The following ANKS1B variants were observed in gnomAD, a reference collection of about 807,000 sequenced individuals.
The protein encoded by ANKS1B is ankyrin repeat and sterile alpha motif domain-containing protein 1B.
Under a neutral mutation model 148.3 loss-of-function variants are expected in ANKS1B, and 36 were observed. That is an observed-to-expected ratio of 0.24 (90% confidence interval 0.19 to 0.32). The LOEUF (loss-of-function observed/expected upper bound fraction) is 0.32. ANKS1B is among the 10% of genes least tolerant of loss of function. ANKS1B has a pLI of 1.00. For missense variants in ANKS1B, 1,157 were observed against 1,542.6 expected (o/e 0.75, Z 4.19); for synonymous variants, 542 against 560.8 (o/e 0.97, Z 0.47).
chr12:99,472,790 G>A (rs762937444), intron 10 of ANKS1B, among the ~76,000 whole-genome samples: 2 of 152,010 alleles, frequency 1.3e-5, no homozygotes, highest in Non-Finnish European at 2.9e-5. Flanking sequence ...AAGCCTATGA[G>A]TTAAACTGCG....
Position 99,251,024 on chromosome 12 carries a change from TC to T in ANKS1B, c.1757-4161del, listed in dbSNP as rs140548606. Reference sequence around the variant, plus strand: ...CATAGAGGGCACCATCTTGCCTGGGTCCTCACATGGTGGAGGGAGCAAAGGA... The same window carrying T: ...CATAGAGGGCACCATCTTGCCTGGGTCTCACATGGTGGAGGGAGCAAAGGA... On this transcript the variant is annotated intron_variant, in intron 12 of 26. Transcript: ENST00000683438. Among the ~76,000 whole-genome samples the T allele has an allele frequency of 3.5e-3, 532 of 152,272 alleles. 20 individuals are homozygous for T. The East Asian group carries it at 0.066, about 19-fold the overall frequency.
chr12:99,198,828 A>C (rs1405560539), intron 14 of ANKS1B, among the ~76,000 whole-genome samples: 1 of 152,192 alleles, frequency 6.6e-6, no homozygotes, highest in East Asian at 1.9e-4. Context: ...GTCCCTCCCA[A>C]TACTGAATAG....
intron 9 of ANKS1B, among the ~76,000 whole-genome samples, chr12:99,508,380 G>A (rs2096732830): frequency 6.6e-6 from 1 of 151,860 alleles, no homozygotes; most frequent in Middle Eastern, 3.2e-3. Flanking sequence ...ATGAAATCAA[G>A]AGATGATAAT....
chr12:99,567,743 C>T (rs1407955486), intron 9 of ANKS1B, among the ~76,000 whole-genome samples: 1 of 152,098 alleles, frequency 6.6e-6, no homozygotes, highest in African/African-American at 2.4e-5. Context: ...ATCATCCTGT[C>T]ACAGAACAGA....
chr12:98,742,432 T>C (rs1215353981), downstream of ANKS1B, among the ~76,000 whole-genome samples: 1 of 152,210 alleles, frequency 6.6e-6, no homozygotes, highest in African/African-American at 2.4e-5. Flanking sequence ...TTTGTAGCTA[T>C]GCTTTTTGAT....
chr12:99,982,020 C>T (rs1346604837), intron 1 of ANKS1B, among the ~76,000 whole-genome samples: 1 of 151,890 alleles, frequency 6.6e-6, no homozygotes, highest in Non-Finnish European at 1.5e-5. Flanking sequence ...AAATGATTGC[C>T]CAAAGAATAC....
intron 12 of ANKS1B, among the ~76,000 whole-genome samples, chr12:99,396,235 T>C (rs1201208837): frequency 1.3e-5 from 2 of 152,074 alleles, no homozygotes; most frequent in Non-Finnish European, 2.9e-5. Flanking sequence ...AAGTTAAAGG[T>C]TTTGATGGAA....
chr12:99,006,007 C>T (rs1184044926), intron 17 of ANKS1B, among the ~76,000 whole-genome samples: 1 of 152,158 alleles, frequency 6.6e-6, no homozygotes, highest in African/African-American at 2.4e-5. Context: ...CTCTTCTAAC[C>T]CCTTCAAGCA....
At chr12:99,678,723 T>G (rs2098596654) in intron 8 of ANKS1B, among the ~76,000 whole-genome samples, 1 of 152,216 alleles carries the variant, frequency 6.6e-6, no homozygotes, top group East Asian at 1.9e-4. Flanking sequence ...TAATTATTTA[T>G]TGTTGTTTAA....
intron 9 of ANKS1B, among the ~76,000 whole-genome samples, chr12:99,587,429 A>T (rs787419): frequency 0.52 from 79,010 of 152,010 alleles, 21,369 homozygotes; most frequent in African/African-American, 0.66. Context: ...GTGATTGCCA[A>T]GGAATGATTT....
chr12:99,901,909 G>A (rs2093613433), intron 1 of ANKS1B, among the ~76,000 whole-genome samples: 1 of 152,130 alleles, frequency 6.6e-6, no homozygotes, highest in South Asian at 2.1e-4. Context: ...TTCCTCATCT[G>A]TAAAACAAAG....
intron 17 of ANKS1B, among the ~76,000 whole-genome samples, chr12:98,982,740 A>C (rs548312259): frequency 1.3e-4 from 20 of 152,298 alleles, no homozygotes; most frequent in Admixed American, 2.6e-4. Flanking sequence ...GTATAAACTT[A>C]ATTTATTTTC....
intron 17 of ANKS1B, among the ~76,000 whole-genome samples, chr12:98,952,291 C>A (rs1362943508): frequency 6.6e-6 from 1 of 152,162 alleles, no homozygotes; most frequent in Non-Finnish European, 1.5e-5. Flanking sequence ...GGCCACAGAG[C>A]AGGCAGGTAA....
At chr12:98,955,604 A>T (rs1175363250) in intron 17 of ANKS1B, among the ~76,000 whole-genome samples, 1 of 152,180 alleles carries the variant, frequency 6.6e-6, no homozygotes, top group Admixed American at 6.5e-5. Flanking sequence ...AGGCAGTTAC[A>T]TTCTGCATAT....
intron 9 of ANKS1B, among the ~76,000 whole-genome samples, chr12:99,517,408 T>C (rs559619107): frequency 3.0e-4 from 46 of 151,942 alleles, no homozygotes; most frequent in African/African-American, 1.1e-3. Flanking sequence ...TTTGGTGGAG[T>C]CTTTAGGTTT....
At chr12:99,794,502 G>A (rs1467379975) in intron 4 of ANKS1B, among the ~76,000 whole-genome samples, 1 of 85,848 alleles carries the variant, frequency 1.2e-5, no homozygotes, top group African/African-American at 4.6e-5. Context: ...TTTTCTTGGA[G>A]TACTATACAG....
intron 16 of ANKS1B, among the ~76,000 whole-genome samples, chr12:99,074,146 A>G (rs991475739): frequency 6.6e-6 from 1 of 152,182 alleles, no homozygotes; most frequent in Non-Finnish European, 1.5e-5. Context: ...ACTGTTCTTT[A>G]TTAAATGGGG....
chr12:99,905,644 G>A (rs192224032), intron 1 of ANKS1B, among the ~76,000 whole-genome samples: 1 of 152,218 alleles, frequency 6.6e-6, no homozygotes, highest in Admixed American at 6.5e-5. Context: ...AGAAGTCTGA[G>A]ATCAAAGCAT....
intron 17 of ANKS1B, among the ~76,000 whole-genome samples, chr12:98,912,371 G>C (rs2099788018): frequency 6.6e-6 from 1 of 152,268 alleles, no homozygotes. Flanking sequence ...ATGTTTGTAA[G>C]CTTCCTCTCT....
Sources: gnomAD v4.1 joint callset for allele counts (sites outside exome capture counted in the v4.1 genomes callset) on GRCh38, gnomAD v4.1.1 for gene constraint, MANE v1.5 for transcripts, NCBI Gene and HGNC (gene_info 2026-07-23, HGNC 2026-07-21) for gene names.